RGS7: variants seen among roughly 807,000 people sequenced by gnomAD.
The protein encoded by RGS7 is regulator of G protein signaling 7.
RGS7 carries 27 observed loss-of-function variants against 81.1 expected under a neutral mutation model. The ratio of observed to expected loss-of-function variants is 0.33; its 90% CI spans 0.25 to 0.46. The LOEUF is 0.46. Among genes scored for constraint, RGS7 ranks in the 20% least tolerant of loss-of-function variants. RGS7 has a pLI of 1.00. For synonymous variants in RGS7, 208 were observed against 207.7 expected (o/e 1.00, Z -0.01); for missense variants, 396 against 607.4 (o/e 0.65, Z 3.66).
At chr1:240,900,126 T>C (rs1402894935) in intron 6 of RGS7, among the ~76,000 whole-genome samples, 1 of 152,230 alleles carries the variant, frequency 6.6e-6, no homozygotes, top group Non-Finnish European at 1.5e-5. Flanking sequence ...GCCACGGTTT[T>C]CAGCTACATC....
At chr1:240,978,194 G>A (rs1478255) in intron 4 of RGS7, among the ~76,000 whole-genome samples, 66,116 of 152,032 alleles carry the variant, frequency 0.43, 15,766 homozygotes, top group East Asian at 0.72. Context: ...GTCAATAACT[G>A]AAGATCAGTT....
chr1:241,042,905 G>A (rs182719759), intron 3 of RGS7, among the ~76,000 whole-genome samples: 85 of 149,798 alleles, frequency 5.7e-4, no homozygotes, highest in Non-Finnish European at 1.2e-3. Context: ...ACAGTGAGCC[G>A]AGATTGCACC....
intron 2 of RGS7, among the ~76,000 whole-genome samples, chr1:241,115,099 C>T (rs2065799544): frequency 1.3e-5 from 2 of 152,140 alleles, no homozygotes; most frequent in Non-Finnish European, 2.9e-5. Flanking sequence ...ATAAACCAGC[C>T]TTGTATAGAA....
intron 15 of RGS7, among the ~76,000 whole-genome samples, chr1:240,805,367 T>C (rs965677424): frequency 2.1e-5 from 3 of 140,974 alleles, no homozygotes; most frequent in Admixed American, 7.3e-5. Context: ...GAGAGAGAAC[T>C]TGTTTCCAAA....
intron 2 of RGS7, among the ~76,000 whole-genome samples, chr1:241,242,199 A>G (rs2076291675): frequency 6.6e-6 from 1 of 152,026 alleles, no homozygotes; most frequent in African/African-American, 2.4e-5. Flanking sequence ...AGAACACACA[A>G]TGTTCGGCTT....
chr1:241,019,763 G>T (rs922404071), intron 3 of RGS7, among the ~76,000 whole-genome samples: 2 of 152,188 alleles, frequency 1.3e-5, no homozygotes, highest in African/African-American at 4.8e-5. Flanking sequence ...ATTATTGATG[G>T]ACATTTGGGT....
intron 2 of RGS7, among the ~76,000 whole-genome samples, chr1:241,107,598 A>G (rs2065204268): frequency 6.6e-6 from 1 of 152,176 alleles, no homozygotes; most frequent in Non-Finnish European, 1.5e-5. Flanking sequence ...TTCTGTCTCT[A>G]CCTATATAAG....
intron 2 of RGS7, among the ~76,000 whole-genome samples, chr1:241,115,363 C>T (rs2065817685): frequency 6.6e-6 from 1 of 152,156 alleles, no homozygotes; most frequent in Non-Finnish European, 1.5e-5. Context: ...AAATTAACCT[C>T]CCACCACATC....
intron 2 of RGS7, among the ~76,000 whole-genome samples, chr1:241,232,713 T>C (rs763794094): frequency 1.3e-5 from 2 of 151,360 alleles, no homozygotes; most frequent in African/African-American, 4.8e-5. Context: ...TAGATAGGGA[T>C]TGGGTTGAAT....
intron 3 of RGS7, chr1:240,998,774 G>A (rs1002237521): frequency 4.8e-5 from 34 of 705,278 alleles, no homozygotes; most frequent in South Asian, 3.5e-4. Flanking sequence ...AGATGCAGGC[G>A]AGCTGGGAGA....
intron 3 of RGS7, among the ~76,000 whole-genome samples, chr1:241,096,263 T>G (rs2459949): frequency 6.6e-6 from 1 of 151,976 alleles, no homozygotes; most frequent in Non-Finnish European, 1.5e-5. Flanking sequence ...CACAAAAGAA[T>G]AGAGGAATTA....
chr1:241,082,526 AC>A (rs2148899271), intron 3 of RGS7, among the ~76,000 whole-genome samples: 1 of 152,360 alleles, frequency 6.6e-6, no homozygotes, highest in African/African-American at 2.4e-5. Flanking sequence ...ACATTTAAAA[AC>A]AAATCATTTC....
chr1:241,299,111 C>T (rs767611726), intron 2 of RGS7, among the ~76,000 whole-genome samples: 2 of 152,160 alleles, frequency 1.3e-5, no homozygotes, highest in East Asian at 1.9e-4. Context: ...AATTTTAACG[C>T]TACTATGTAC....
intron 3 of RGS7, among the ~76,000 whole-genome samples, chr1:241,026,995 C>T (rs1414365771): frequency 3.3e-5 from 5 of 149,928 alleles, no homozygotes; most frequent in African/African-American, 1.2e-4. Context: ...AACAAGGTTC[C>T]AGCCTCAGCA....
At chr1:241,122,197 G>A (rs926110456) in intron 2 of RGS7, among the ~76,000 whole-genome samples, 1 of 152,178 alleles carries the variant, frequency 6.6e-6, no homozygotes, top group Non-Finnish European at 1.5e-5. Context: ...TGAAGGAGTA[G>A]AGAGTGAAAA....
At chr1:241,089,051 CTCTCTCTCTCTCTATATA>C (rs1242169444) in intron 3 of RGS7, among the ~76,000 whole-genome samples, 2 of 53,592 alleles carry the variant, frequency 3.7e-5, no homozygotes, top group Non-Finnish European at 7.0e-5. Context: ...CTCTCTCTCT[CTCTCTCTCTCTCTATATA>C]TATATATATA....
chr1:240,927,227 C>A (rs1350687753), intron 6 of RGS7, among the ~76,000 whole-genome samples: 1 of 152,090 alleles, frequency 6.6e-6, no homozygotes, highest in Non-Finnish European at 1.5e-5. Context: ...CCACCATGCC[C>A]AGCTAATTTT....
At chr1:240,991,046 C>T (rs759325540) in intron 3 of RGS7, among the ~76,000 whole-genome samples, 11 of 152,038 alleles carry the variant, frequency 7.2e-5, no homozygotes, top group African/African-American at 1.9e-4. Flanking sequence ...GATAGAAGCC[C>T]GATATTCACT....
intron 3 of RGS7, among the ~76,000 whole-genome samples, chr1:241,040,651 C>T (rs746605767): frequency 4.5e-4 from 69 of 152,044 alleles, no homozygotes; most frequent in Admixed American, 9.8e-4. Context: ...ACACCATACC[C>T]GGCTAATTTT....
Sources: allele counts gnomAD v4.1 joint callset (sites outside exome capture counted in the v4.1 genomes callset), GRCh38; gene constraint gnomAD v4.1.1; transcripts MANE v1.5; gene names NCBI Gene and HGNC (gene_info 2026-07-23, HGNC 2026-07-21).